The following PLD5 variants were observed in gnomAD, a reference collection of about 807,000 sequenced individuals.
PLD5 encodes inactive phospholipase D5.
In PLD5, 36 loss-of-function variants were observed where a neutral mutation model predicts 61.1. The observed-to-expected ratio is 0.59, with a 90% CI of 0.45 to 0.78. The LOEUF (loss-of-function observed/expected upper bound fraction) is 0.78. PLD5 is among the 30% of genes least tolerant of loss of function. The probability of loss-of-function intolerance (pLI) is 0.00; values close to 1 mark genes in which losing one functional copy is unlikely to be tolerated. For missense variants in PLD5, 515 were observed against 644.4 expected (o/e 0.80, Z 2.17); for synonymous variants, 243 against 242.8 (o/e 1.00, Z -0.01).
At chr1:242,192,823 GTC>G (rs66505426) in intron 5 of PLD5, among the ~76,000 whole-genome samples, 71,728 of 151,692 alleles carry the variant, frequency 0.47, 17,275 homozygotes, top group South Asian at 0.65. Flanking sequence ...AATGCTTGGG[GTC>G]TCTCTTCCTG....
At chr1:242,112,859 G>T (rs1034171094) in intron 7 of PLD5, among the ~76,000 whole-genome samples, 1 of 152,168 alleles carries the variant, frequency 6.6e-6, no homozygotes, top group Non-Finnish European at 1.5e-5. Flanking sequence ...TGCATTCCCA[G>T]CACGAAAGCA....
intron 4 of PLD5, among the ~76,000 whole-genome samples, chr1:242,234,532 G>A (rs963065663): frequency 2.6e-5 from 4 of 152,196 alleles, no homozygotes; most frequent in Admixed American, 6.5e-5. Context: ...TGGTGGAACA[G>A]TAGAGTGAAC....
chr1:242,123,642 G>A lies in PLD5; in HGVS notation c.933+826C>T, dbSNP rs528308260. Among the ~76,000 whole-genome samples the A allele has an allele frequency of 5.3e-5, 8 of 152,324 alleles. No individual in the cohort carries two copies. In the South Asian group the frequency reaches 6.2e-4, roughly 12 times the overall value. ...AAGCCAACACAGACAGGTGGAGAAC[G>A]TGCAAACTCCACACACACGGTGGCC... On this transcript the variant is annotated intron_variant, in intron 6 of 9. Coordinates refer to ENST00000536534, the MANE Select transcript of PLD5 (RefSeq NM_001372062.1).
intron 1 of PLD5, among the ~76,000 whole-genome samples, chr1:242,438,444 T>A (rs1165417965): frequency 7.0e-6 from 1 of 142,656 alleles, no homozygotes; most frequent in African/African-American, 2.6e-5. Flanking sequence ...TTTTTCTTTT[T>A]TTTTTTTTTT....
chr1:242,355,704 AT>A (rs1310612055), intron 1 of PLD5, among the ~76,000 whole-genome samples: 2 of 151,488 alleles, frequency 1.3e-5, no homozygotes, highest in African/African-American at 2.4e-5. Flanking sequence ...TATTTGAAAT[AT>A]TTTTTCTTTT....
chr1:242,378,943 T>C (rs1488179219), intron 1 of PLD5, among the ~76,000 whole-genome samples: 1 of 152,210 alleles, frequency 6.6e-6, no homozygotes, highest in Admixed American at 6.6e-5. Context: ...TTTTCCTTCC[T>C]ACTTAGGTCT....
intron 2 of PLD5, among the ~76,000 whole-genome samples, chr1:242,319,024 G>A (rs544526827): frequency 5.9e-5 from 9 of 152,144 alleles, no homozygotes; most frequent in Non-Finnish European, 8.8e-5. Flanking sequence ...CTTGGACTAT[G>A]AGCAGAATTG....
At position 242,084,824 on chromosome 1, in the gene PLD5, A is replaced by C. The variant is rs1275175185; in HGVS notation, c.*5030T>G. The stretch of plus-strand genomic sequence containing the variant: ...TGTTTCAAAGATGCCTCCTTGTGTG[A>C]ATATACAAAACAGTGGGCCCATTGG... On this transcript the variant is annotated 3_prime_UTR_variant, in exon 10 of 10. Coordinates refer to ENST00000536534, the MANE Select transcript of PLD5 (RefSeq NM_001372062.1). The C allele has an allele frequency of 7.3e-6, 1 of 137,100 alleles. No individual in the cohort carries two copies. Among genetic ancestry groups the C allele is most frequent in the Non-Finnish European group, 1.5e-5 (1 of 66,066 alleles). The allele number at this position is 137,100 out of a possible 1,614,324, so 8.5% of individuals were successfully genotyped here.
chr1:242,210,798 T>C (rs2148983015), intron 5 of PLD5: 3 of 152,354 alleles, frequency 2.0e-5, no homozygotes, highest in East Asian at 1.9e-4. Context: ...CCTGCCTGCA[T>C]CCAGGTGATT....
chr1:242,435,663 ATGT>A (rs1558564617), intron 1 of PLD5, among the ~76,000 whole-genome samples: 1 of 152,232 alleles, frequency 6.6e-6, no homozygotes, highest in Non-Finnish European at 1.5e-5. Context: ...GCTGAAAAAA[ATGT>A]TGTGACCAGA....
intron 1 of PLD5, among the ~76,000 whole-genome samples, chr1:242,375,181 G>A (rs1221087268): frequency 6.6e-6 from 1 of 152,206 alleles, no homozygotes; most frequent in Non-Finnish European, 1.5e-5. Flanking sequence ...TGCAGGTAGT[G>A]GCAACAGGCT....
intron 1 of PLD5, among the ~76,000 whole-genome samples, chr1:242,386,787 A>G (rs1238754026): frequency 6.6e-6 from 1 of 152,202 alleles, no homozygotes; most frequent in Non-Finnish European, 1.5e-5. Flanking sequence ...ATATAGACTG[A>G]ATATTAGGGA....
intron 2 of PLD5, among the ~76,000 whole-genome samples, chr1:242,300,448 GAAGAAGAAAGAAAGA>G (rs869239381): frequency 4.0e-4 from 7 of 17,602 alleles, no homozygotes; most frequent in African/African-American, 4.8e-4. Flanking sequence ...GGAGGAGGAG[GAAGAAGAAAGAAAGA>G]AAGAAAGAAA....
chr1:242,465,517 C>G (rs1007388498), intron 1 of PLD5, among the ~76,000 whole-genome samples: 1 of 152,240 alleles, frequency 6.6e-6, no homozygotes, highest in Non-Finnish European at 1.5e-5. Context: ...GGAGGCTCTG[C>G]ATGATCTTGT....
At position 242,085,331 on chromosome 1, in the gene PLD5, A is replaced by G. The variant is rs1443945837; in HGVS notation, c.*4523T>C. 2.0e-5 allele frequency: 3 copies of G among 152,152 alleles called. No homozygotes were observed. Among genetic ancestry groups the G allele is most frequent in the African/African-American group, 7.2e-5 (3 of 41,426 alleles). The allele number at this position is 152,152 out of a possible 1,614,324, so 9.4% of individuals were successfully genotyped here. On this transcript the variant is annotated 3_prime_UTR_variant, in exon 10 of 10. Transcript: ENST00000536534. ...CTGCTAATGGGTCAAAAATAAGAAA[A>G]TTTCATTTTTACATCTTCAAGAAAC...
chr1:242,113,093 T>C (rs903751100), intron 7 of PLD5, among the ~76,000 whole-genome samples: 166 of 143,596 alleles, frequency 1.2e-3, no homozygotes, highest in Middle Eastern at 7.1e-3. Flanking sequence ...TCTTTTTTTT[T>C]TTTTTTTTTT....
chr1:242,402,608 T>C (rs1396402496), intron 1 of PLD5, among the ~76,000 whole-genome samples: 1 of 152,236 alleles, frequency 6.6e-6, no homozygotes, highest in Non-Finnish European at 1.5e-5. Context: ...TACTATTCTA[T>C]AAAATGAATT....
At chr1:242,378,198 C>G (rs776598216) in intron 1 of PLD5, among the ~76,000 whole-genome samples, 4 of 152,182 alleles carry the variant, frequency 2.6e-5, no homozygotes, top group East Asian at 1.9e-4. Flanking sequence ...GAAGGAAATT[C>G]TAACACATGC....
At chr1:242,333,726 C>G (rs775803796) in intron 2 of PLD5, among the ~76,000 whole-genome samples, 1 of 152,114 alleles carries the variant, frequency 6.6e-6, no homozygotes, top group Non-Finnish European at 1.5e-5. Context: ...ATTTTAGTTC[C>G]CACATATGAG....
Sources: gnomAD v4.1 joint callset for allele counts (sites outside exome capture counted in the v4.1 genomes callset) on GRCh38, gnomAD v4.1.1 for gene constraint, MANE v1.5 for transcripts, NCBI Gene and HGNC (gene_info 2026-07-23, HGNC 2026-07-21) for gene names.